SVEP1: variants seen among roughly 807,000 people sequenced by gnomAD.
SVEP1 encodes the protein sushi, von Willebrand factor type A, EGF and pentraxin domain containing 1.
A neutral mutation model predicts 367.3 loss-of-function variants in SVEP1; 164 were observed. The ratio of observed to expected loss-of-function variants is 0.45; its 90% CI spans 0.39 to 0.51. The LOEUF is 0.51. Among genes scored for constraint, SVEP1 ranks in the 20% least tolerant of loss-of-function variants. SVEP1 has a pLI of 0.00. For synonymous variants in SVEP1, 1,666 were observed against 1,611.6 expected, an observed-to-expected ratio of 1.03 and a Z score of -0.81; for missense variants, 4,117 against 4,425.3, an observed-to-expected ratio of 0.93 and a Z score of 1.98.
intron 5 of SVEP1, among the ~76,000 whole-genome samples, chr9:110,503,771 C>T (rs1361488330): frequency 6.6e-6 from 1 of 152,120 alleles, no homozygotes; most frequent in African/African-American, 2.4e-5. Context: ...TTTTTCACTT[C>T]TCCTTCCCAC....
chr9:110,507,553 C>T (rs1391482940), intron 5 of SVEP1, among the ~76,000 whole-genome samples: 2 of 152,146 alleles, frequency 1.3e-5, no homozygotes, highest in Non-Finnish European at 2.9e-5. Context: ...TAAACCCTAG[C>T]CTCTTTTATC....
chr9:110,424,872 C>A (rs570859137), intron 36 of SVEP1, among the ~76,000 whole-genome samples: 2 of 152,344 alleles, frequency 1.3e-5, no homozygotes, highest in Non-Finnish European at 2.9e-5. Flanking sequence ...CAGGGTTTCA[C>A]CATGTTGGTC....
rs538114216 is a variant in SVEP1, at chr9:110,414,304, G to A, written c.5976-2569C>T. Among the ~76,000 whole-genome samples the A allele has an allele frequency of 3.3e-5, 5 of 152,090 alleles. No homozygotes were observed. The East Asian group carries it at 9.6e-4, about 29-fold the overall frequency. On this transcript the variant is annotated intron_variant, in intron 36 of 47. Coordinates refer to ENST00000374469, the MANE Select transcript of SVEP1 (RefSeq NM_153366.4). ...GACAATATTTATGAAATCTATAAGA[G>A]ACAGAGAAATCAGGAAAAAAATAAC...
chr9:110,579,401 G>A lies in SVEP1; in HGVS notation c.143C>T (p.Ala48Val), dbSNP rs1334938805. The change falls in exon 1 of 48, where the codon GCG becomes GTG. Residue 48 changes from alanine (A) to valine (V), a missense_variant. Coordinates refer to ENST00000374469, the MANE Select transcript of SVEP1 (RefSeq NM_153366.4). This position sits in a 1 kb window ranked among gnomAD's most constrained non-coding sequence, Gnocchi z 5.3. The part of the protein sequence containing the change: ...TAPGAPGSIP[A>V]PPAPGDEAAG... The stretch of plus-strand genomic sequence containing the variant: ...CGCTTCGTCGCCAGGAGCGGGCGGC[G>A]CGGGGATACTCCCGGGGGCCCCGGG... The A allele has an allele frequency of 3.2e-6, 5 of 1,574,054 alleles. No homozygotes were observed. The highest frequency in any genetic ancestry group is 4.3e-6 in the Non-Finnish European group (5 of 1,160,802).
At chr9:110,542,314 G>A (rs1830161842) in intron 3 of SVEP1, among the ~76,000 whole-genome samples, 1 of 152,052 alleles carries the variant, frequency 6.6e-6, no homozygotes, top group Non-Finnish European at 1.5e-5. Context: ...TCTTTCCTGA[G>A]GCCTCAATTT....
chr9:110,380,475 G>A (rs1286222269), intron 43 of SVEP1, among the ~76,000 whole-genome samples: 1 of 151,970 alleles, frequency 6.6e-6, no homozygotes, highest in African/African-American at 2.4e-5. Flanking sequence ...GAAATCAGAA[G>A]GAAATAAATG....
intron 3 of SVEP1, among the ~76,000 whole-genome samples, chr9:110,514,355 T>C (rs756108961): frequency 2.0e-5 from 3 of 151,272 alleles, no homozygotes; most frequent in Non-Finnish European, 4.4e-5. Flanking sequence ...CTACTAAAAA[T>C]ACAAAAAATT....
chr9:110,471,518 A>T lies in SVEP1; in HGVS notation c.2844T>A (p.Thr948=), dbSNP rs1025487830. Residue 948 remains threonine (T), a synonymous_variant, in exon 16 of 48, where the codon ACT becomes ACA. Transcript: ENST00000374469. The part of the protein sequence containing the change: ...NQQRLLQTLE[T]ITNKLKRTLN... ...GAGTCCTTTTCAGTTTATTTGTGAT[A>T]GTTTCCAATGTCTGAAGGAGTCGTT... 3 of 1,613,894 alleles carry T rather than the reference A, an allele frequency of 1.9e-6. No homozygotes were observed. The African/African-American group carries it at 4.0e-5, about 22-fold the overall frequency.
chr9:110,405,009 G>A (rs1281813761), intron 38 of SVEP1, among the ~76,000 whole-genome samples: 1 of 152,138 alleles, frequency 6.6e-6, no homozygotes, highest in Non-Finnish European at 1.5e-5. Context: ...CTGGGTGACA[G>A]AGCAAGACGT....
At chr9:110,416,756 C>A (rs76790326) in intron 36 of SVEP1, among the ~76,000 whole-genome samples, 1,807 of 152,042 alleles carry the variant, frequency 0.012, 14 homozygotes, top group South Asian at 0.019. Context: ...AAAAAGTAAC[C>A]AAAGAGAAAA....
intron 39 of SVEP1, among the ~76,000 whole-genome samples, chr9:110,401,850 T>C (rs1300032355): frequency 6.6e-6 from 1 of 152,030 alleles, no homozygotes; most frequent in Non-Finnish European, 1.5e-5. Flanking sequence ...GTTATTCTAT[T>C]GCTAATATTT....
chr9:110,555,251 A>G (rs564280032), intron 1 of SVEP1, among the ~76,000 whole-genome samples: 1 of 152,092 alleles, frequency 6.6e-6, no homozygotes, highest in East Asian at 1.9e-4. Context: ...TTGTCTCTTC[A>G]GTGTGATATT....
intron 36 of SVEP1, among the ~76,000 whole-genome samples, chr9:110,414,170 C>A (rs1828084419): frequency 1.3e-5 from 2 of 151,962 alleles, no homozygotes; most frequent in Admixed American, 6.5e-5. Context: ...TTTGACCCAC[C>A]CATTAGCAAA....
chr9:110,442,288 C>T (rs900968642), intron 27 of SVEP1, among the ~76,000 whole-genome samples: 8 of 152,206 alleles, frequency 5.3e-5, no homozygotes, highest in East Asian at 1.9e-4. Context: ...AGGGACCACA[C>T]GACTTTTGCC....
At chr9:110,502,903 C>T (rs953244740) in intron 6 of SVEP1, 135 bp downstream of exon 6, 6 of 841,348 alleles carry the variant, frequency 7.1e-6, no homozygotes, top group Non-Finnish European at 1.1e-5. Flanking sequence ...ATCTGTAACA[C>T]CTGCACCTGT....
chr9:110,442,107 C>T lies in SVEP1; in HGVS notation c.4639+1438G>A, dbSNP rs148257607. On this transcript the variant is annotated intron_variant, in intron 27 of 47. Coordinates refer to ENST00000374469, the MANE Select transcript of SVEP1 (RefSeq NM_153366.4). ...CACCCTGGAGAGTTAGGGACATATC[C>T]ACAAGCCTCGATGGACTCCCCATTC... is the stretch of plus-strand genomic sequence containing the variant. Among the ~76,000 whole-genome samples the T allele has an allele frequency of 3.1e-3, 474 of 152,310 alleles. 3 individuals are homozygous for T. The highest frequency in any genetic ancestry group is 0.011 in the African/African-American group (450 of 41,568).
At chr9:110,504,668 A>C (rs762124213) in intron 5 of SVEP1, among the ~76,000 whole-genome samples, 1 of 151,806 alleles carries the variant, frequency 6.6e-6, no homozygotes, top group Admixed American at 6.6e-5. Context: ...GGTCCCTGAT[A>C]CCAGCTATAC....
intron 35 of SVEP1, 146 bp from the exon 36 acceptor site, chr9:110,427,904 A>T: frequency 1.0e-5 from 10 of 962,778 alleles, no homozygotes; most frequent in Non-Finnish European, 1.5e-5. Flanking sequence ...ATTGCTTTAT[A>T]TGAAAGCAAG....
At position 110,402,796 on chromosome 9, in the gene SVEP1, G is replaced by A. The variant is rs117965015; in HGVS notation, c.9666+1531C>T. Among the ~76,000 whole-genome samples the A allele has an allele frequency of 8.0e-4, 122 of 152,110 alleles. 1 individual carries two copies. The highest frequency in any genetic ancestry group is 1.5e-3 in the Non-Finnish European group (100 of 67,992). On this transcript the variant is annotated intron_variant, in intron 39 of 47. Transcript: ENST00000374469. ...CTCTATATCTAAAAGGGACCATCTG[G>A]AACCATACAAAATTTGAAGGCAAGT...
Sources: allele counts gnomAD v4.1 joint callset (sites outside exome capture counted in the v4.1 genomes callset), GRCh38; gene constraint gnomAD v4.1.1; non-coding constraint Gnocchi (gnomAD v3.1); transcripts MANE v1.5; gene names NCBI Gene and HGNC (gene_info 2026-07-23, HGNC 2026-07-21).